HDAC9: variants seen among roughly 807,000 people sequenced by gnomAD.
HDAC9 encodes MEF-2 interacting transcription repressor (MITR) protein.
HDAC9 carries 41 observed loss-of-function variants against 139.4 expected under a neutral mutation model. That is an observed-to-expected ratio of 0.29 (90% CI 0.23 to 0.38). The LOEUF is 0.38. Ranked by LOEUF, HDAC9 falls within the 10% of genes least tolerant of loss-of-function variation. The pLI is 1.00. For synonymous variants in HDAC9, 517 were observed against 476.2 expected, an observed-to-expected ratio of 1.09 and a Z score of -1.12; for missense variants, 1,147 against 1,297.0, an observed-to-expected ratio of 0.88 and a Z score of 1.78.
intron 22 of HDAC9, among the ~76,000 whole-genome samples, chr7:18,905,137 C>T (rs940767471): frequency 4.6e-5 from 7 of 152,026 alleles, no homozygotes; most frequent in Admixed American, 3.3e-4. Flanking sequence ...GTGATCCACC[C>T]GCCTTGGCCT....
chr7:18,179,247 A>G (rs1789195049), intron 2 of HDAC9, among the ~76,000 whole-genome samples: 1 of 152,210 alleles, frequency 6.6e-6, no homozygotes, highest in African/African-American at 2.4e-5. Context: ...GACTGATGCA[A>G]TAGTCCAGCC....
intron 13 of HDAC9, among the ~76,000 whole-genome samples, chr7:18,734,131 T>C (rs1786659205): frequency 6.6e-6 from 1 of 152,206 alleles, no homozygotes; most frequent in South Asian, 2.1e-4. Context: ...ACTTTTCCAA[T>C]AGCATGTGTT....
At chr7:18,876,856 C>T (rs1799356736) in intron 22 of HDAC9, among the ~76,000 whole-genome samples, 1 of 151,920 alleles carries the variant, frequency 6.6e-6, no homozygotes, top group African/African-American at 2.4e-5. Context: ...GCATGTGCCA[C>T]CATGCCTGGC....
chr7:18,195,773 G>A (rs554488063), intron 2 of HDAC9, among the ~76,000 whole-genome samples: 36 of 152,026 alleles, frequency 2.4e-4, no homozygotes, highest in Non-Finnish European at 3.4e-4. Flanking sequence ...CAGCCATATC[G>A]TATATGGGCT....
chr7:18,097,290 T>A (rs748699606), intron 1 of HDAC9, among the ~76,000 whole-genome samples: 17 of 152,208 alleles, frequency 1.1e-4, no homozygotes, highest in Non-Finnish European at 2.1e-4. Context: ...AGTTTATCAC[T>A]TTAAAAATAG....
chr7:18,414,319 A>G (rs1055597233), intron 1 of HDAC9, among the ~76,000 whole-genome samples: 1 of 152,150 alleles, frequency 6.6e-6, no homozygotes, highest in Non-Finnish European at 1.5e-5. Context: ...AGGACAAAAA[A>G]AGACAAAAAG....
At chr7:18,592,457 A>G (rs1831267677) in intron 5 of HDAC9, among the ~76,000 whole-genome samples, 1 of 152,178 alleles carries the variant, frequency 6.6e-6, no homozygotes, top group African/African-American at 2.4e-5. Context: ...ATAAACTAAT[A>G]GATAATAGTT....
At chr7:18,867,216 A>G (rs1180874851) in intron 21 of HDAC9, among the ~76,000 whole-genome samples, 16 of 152,216 alleles carry the variant, frequency 1.1e-4, no homozygotes, top group Non-Finnish European at 2.9e-5. Flanking sequence ...TTGGTAGGTG[A>G]GGACAAAAAA....
intron 2 of HDAC9, among the ~76,000 whole-genome samples, chr7:18,577,368 C>A (rs1266624238): frequency 6.6e-6 from 1 of 152,194 alleles, no homozygotes; most frequent in Non-Finnish European, 1.5e-5. Context: ...TCTGAGTTCA[C>A]GTCTCTGTGT....
intron 1 of HDAC9, among the ~76,000 whole-genome samples, chr7:18,474,783 A>C (rs1479341998): frequency 6.6e-6 from 1 of 152,152 alleles, no homozygotes; most frequent in Admixed American, 6.5e-5. Flanking sequence ...GAATCTGGAA[A>C]ATCTAGAGGA....
chr7:18,373,145 C>T (rs1312266891), intron 1 of HDAC9, among the ~76,000 whole-genome samples: 1 of 152,028 alleles, frequency 6.6e-6, no homozygotes, highest in Non-Finnish European at 1.5e-5. Flanking sequence ...AAAATATCAA[C>T]TGTCAACCAC....
At chr7:18,480,086 AT>A (rs1023574979) in intron 1 of HDAC9, among the ~76,000 whole-genome samples, 4 of 144,958 alleles carry the variant, frequency 2.8e-5, no homozygotes, top group Non-Finnish European at 6.0e-5. Context: ...ACTTTTTAGA[AT>A]TTTTTTCTGA....
In HDAC9 at chr7:18,168,879, G is replaced by GTT. The variant is rs112502543; in HGVS notation, c.25+6548_25+6549dup. ...AGTTCTGAGGAGGTGCAAATGTCTTGTTTTTTTTTTTTTTTTTTTGTGTGT... is the reference window on the plus strand; with the variant it reads ...AGTTCTGAGGAGGTGCAAATGTCTTGTTTTTTTTTTTTTTTTTTTTTGTGTGT... On this transcript the variant is annotated intron_variant, in intron 2 of 12. Transcript: ENST00000417496. Among the ~76,000 whole-genome samples, 613 of 80,774 alleles carry GTT rather than the reference G, an allele frequency of 7.6e-3. 22 individuals carry two copies. The highest frequency in any genetic ancestry group is 0.012 in the Non-Finnish European group (465 of 39,872). The allele number at this position is 80,774 out of a possible 152,430, so 53.0% of individuals were successfully genotyped here.
chr7:18,372,115 C>T (rs1446894594), intron 1 of HDAC9, among the ~76,000 whole-genome samples: 1 of 152,180 alleles, frequency 6.6e-6, no homozygotes, highest in Non-Finnish European at 1.5e-5. Context: ...AACTCACATT[C>T]AACAAACTGA....
chr7:18,419,906 A>G (rs548190166), intron 1 of HDAC9, among the ~76,000 whole-genome samples: 4 of 152,294 alleles, frequency 2.6e-5, no homozygotes, highest in Admixed American at 1.3e-4. Flanking sequence ...TTTCCTGCAC[A>G]TTGGGAAGAG....
chr7:18,873,664 C>T (rs1429398716), intron 21 of HDAC9, among the ~76,000 whole-genome samples: 2 of 152,118 alleles, frequency 1.3e-5, no homozygotes, highest in African/African-American at 2.4e-5. Flanking sequence ...GCAGTTTCCC[C>T]ATCTCAGTAA....
chr7:18,340,758 A>G (rs1781944235), intron 1 of HDAC9, among the ~76,000 whole-genome samples: 1 of 151,590 alleles, frequency 6.6e-6, no homozygotes, highest in Non-Finnish European at 1.5e-5. Context: ...AAGTATCTTT[A>G]GATATTTAAA....
chr7:18,107,506 G>GCT (rs149147226), intron 1 of HDAC9, among the ~76,000 whole-genome samples: 165 of 148,048 alleles, frequency 1.1e-3, no homozygotes, highest in African/African-American at 3.5e-3. Flanking sequence ...TCTCTTTCTT[G>GCT]CTCTCTCTCT....
chr7:18,867,452 T>C (rs995661657), intron 21 of HDAC9, among the ~76,000 whole-genome samples: 3 of 152,202 alleles, frequency 2.0e-5, no homozygotes, highest in Admixed American at 6.5e-5. Flanking sequence ...TAAAATGTTT[T>C]AAAGTATTTA....
Sources: allele counts gnomAD v4.1 joint callset (sites outside exome capture counted in the v4.1 genomes callset), GRCh38; gene constraint gnomAD v4.1.1; transcripts MANE v1.5; gene names NCBI Gene and HGNC (gene_info 2026-07-23, HGNC 2026-07-21).